The following ACTL8 variants were observed in gnomAD, a reference collection of about 807,000 sequenced individuals.
The protein encoded by ACTL8 is actin-like protein 8.
ACTL8 carries 3 observed loss-of-function variants against 9.3 expected under a neutral mutation model. The observed-to-expected ratio is 0.32, with a 90% CI of 0.15 to 0.83. ACTL8 has a LOEUF of 0.83. Among genes scored for constraint, ACTL8 ranks in the 40% least tolerant of loss-of-function variants. ACTL8 has a pLI of 0.57. For missense variants in ACTL8, 381 were observed against 492.2 expected, an observed-to-expected ratio of 0.77 and a Z score of 2.14; for synonymous variants, 224 against 205.9, an observed-to-expected ratio of 1.09 and a Z score of -0.75.
rs2066425883 is a variant in ACTL8, at chr1:17,816,307, T to C, written c.-24-6678T>C. ...AACTCCGCCTCCTGGGCTCAAGCAA[T>C]CTTCCCACCTCAGCCTCCTGAGTAG... On this transcript the variant is annotated intron_variant, in intron 1 of 2. Transcript: ENST00000375406. Among the ~76,000 whole-genome samples, 3 of 150,500 alleles carry C rather than the reference T, an allele frequency of 2.0e-5. No individual in the cohort carries two copies. In the Admixed American group the frequency reaches 2.0e-4, roughly 10 times the overall value.
At chr1:17,798,800 C>T (rs1039189715) in intron 1 of ACTL8, among the ~76,000 whole-genome samples, 1 of 152,218 alleles carries the variant, frequency 6.6e-6, no homozygotes, top group Non-Finnish European at 1.5e-5. Flanking sequence ...CCTGGACCCT[C>T]CTGGTGGGAA....
chr1:17,761,074 C>T (rs1227162441), intron 1 of ACTL8, among the ~76,000 whole-genome samples: 1 of 151,180 alleles, frequency 6.6e-6, no homozygotes, highest in Non-Finnish European at 1.5e-5. Flanking sequence ...TGCTTCACTG[C>T]AGAGGGAGGA....
intron 1 of ACTL8, among the ~76,000 whole-genome samples, chr1:17,777,010 A>G (rs1274453417): frequency 1.1e-4 from 9 of 82,258 alleles, no homozygotes; most frequent in Admixed American, 5.5e-4. Flanking sequence ...TTTTTTAGAG[A>G]TGGGGGTCTT....
At chr1:17,818,235 G>T (rs140350317) in intron 1 of ACTL8, among the ~76,000 whole-genome samples, 1 of 151,884 alleles carries the variant, frequency 6.6e-6, no homozygotes. Context: ...TCTTCTTCTG[G>T]TCTAACATTT....
Position 17,823,293 on chromosome 1 carries a change from C to T in ACTL8, c.285C>T (p.Val95=), listed in dbSNP as rs1458161179. Residue 95 remains valine (V), a synonymous_variant, in exon 2 of 3, where the codon GTC becomes GTT. Transcript: ENST00000375406. This position sits in a 1 kb window ranked among gnomAD's most constrained non-coding sequence, Gnocchi z 5.3. ...VLENHRREQE[V]PPVIITETPL... Reference sequence around the variant, plus strand: ...AGAACCACAGACGGGAGCAAGAGGTCCCCCCTGTGATCATCACGGAGACAC... The same window carrying T: ...AGAACCACAGACGGGAGCAAGAGGTTCCCCCTGTGATCATCACGGAGACAC... 2 of 1,613,906 alleles carry T rather than the reference C, an allele frequency of 1.2e-6. No individual in the cohort carries two copies. The highest frequency in any genetic ancestry group is 2.2e-5 in the East Asian group (1 of 44,876).
intron 1 of ACTL8, among the ~76,000 whole-genome samples, chr1:17,762,245 C>T (rs929658223): frequency 2.0e-5 from 3 of 151,940 alleles, no homozygotes; most frequent in Non-Finnish European, 4.4e-5. Context: ...TATAGGGCTC[C>T]GGGGCCTGAG....
chr1:17,758,468 A>G (rs571361711), intron 1 of ACTL8, among the ~76,000 whole-genome samples: 1 of 152,292 alleles, frequency 6.6e-6, no homozygotes, highest in African/African-American at 2.4e-5. Flanking sequence ...CAGTTTCCAG[A>G]CCCTAAGTCA....
At chr1:17,779,534 A>G (rs1057204760) in intron 1 of ACTL8, among the ~76,000 whole-genome samples, 8 of 152,178 alleles carry the variant, frequency 5.3e-5, no homozygotes, top group Non-Finnish European at 1.2e-4. Context: ...ACTAATAAAT[A>G]TGTCCTGAAA....
At chr1:17,762,227 C>T (rs1375748896) in intron 1 of ACTL8, among the ~76,000 whole-genome samples, 1 of 151,992 alleles carries the variant, frequency 6.6e-6, no homozygotes, top group Admixed American at 6.6e-5. Flanking sequence ...AGAGTCCGAG[C>T]CTTCAGATAT....
chr1:17,760,355 A>G (rs1304098205), intron 1 of ACTL8, among the ~76,000 whole-genome samples: 2 of 152,072 alleles, frequency 1.3e-5, no homozygotes, highest in African/African-American at 4.8e-5. Flanking sequence ...CAAACTGGTG[A>G]CTTGGTGTGG....
chr1:17,820,293 G>A (rs371019710), intron 1 of ACTL8, among the ~76,000 whole-genome samples: 3 of 152,146 alleles, frequency 2.0e-5, no homozygotes, highest in Admixed American at 6.5e-5. Flanking sequence ...TTTCAGCCTC[G>A]GGCATTTGAG....
intron 1 of ACTL8, among the ~76,000 whole-genome samples, chr1:17,822,620 C>G (rs1278211727): frequency 6.6e-6 from 1 of 152,180 alleles, no homozygotes; most frequent in Non-Finnish European, 1.5e-5. Flanking sequence ...AAGGACTTCC[C>G]AAGTGGCAAG....
chr1:17,781,367 A>G (rs2102683392), intron 1 of ACTL8, among the ~76,000 whole-genome samples: 1 of 151,446 alleles, frequency 6.6e-6, no homozygotes, highest in East Asian at 1.9e-4. Context: ...CAGCCTCCTG[A>G]GTAGCTGGGA....
chr1:17,775,919 G>A (rs1570003529), intron 1 of ACTL8, among the ~76,000 whole-genome samples: 1 of 152,210 alleles, frequency 6.6e-6, no homozygotes, highest in Non-Finnish European at 1.5e-5. Context: ...TCCCGGGACA[G>A]TATAAGGAAG....
chr1:17,784,896 T>TA (rs1389153796), intron 1 of ACTL8, among the ~76,000 whole-genome samples: 1 of 152,178 alleles, frequency 6.6e-6, no homozygotes, highest in Non-Finnish European at 1.5e-5. Flanking sequence ...GAATTGGACT[T>TA]ACAGTTCCAT....
At chr1:17,794,632 C>A (rs1416887124) in intron 1 of ACTL8, among the ~76,000 whole-genome samples, 1 of 152,182 alleles carries the variant, frequency 6.6e-6, no homozygotes, top group Non-Finnish European at 1.5e-5. Context: ...TTTTTTACTA[C>A]TTTTCTCTTT....
At chr1:17,779,054 ACTTAC>A (rs1198990640) in intron 1 of ACTL8, among the ~76,000 whole-genome samples, 7 of 151,914 alleles carry the variant, frequency 4.6e-5, no homozygotes, top group African/African-American at 1.7e-4. Context: ...TGGCCTCCCC[ACTTAC>A]CTTGTACTCT....
intron 1 of ACTL8, among the ~76,000 whole-genome samples, 155 bp downstream of exon 1, chr1:17,755,659 G>A (rs756615543): frequency 6.6e-6 from 1 of 151,898 alleles, no homozygotes; most frequent in Non-Finnish European, 1.5e-5. Flanking sequence ...CTTCTTTGTG[G>A]GGTTGGGGAG....
intron 1 of ACTL8, among the ~76,000 whole-genome samples, chr1:17,809,598 G>C (rs555142176): frequency 1.6e-4 from 24 of 152,222 alleles, no homozygotes; most frequent in African/African-American, 4.3e-4. Context: ...CCTCCTGTCA[G>C]ATCAATGGTG....
Sources: allele counts gnomAD v4.1 joint callset (sites outside exome capture counted in the v4.1 genomes callset), GRCh38; gene constraint gnomAD v4.1.1; non-coding constraint Gnocchi (gnomAD v3.1); transcripts MANE v1.5; gene names NCBI Gene and HGNC (gene_info 2026-07-23, HGNC 2026-07-21).